UQCC1: variants seen among roughly 807,000 people sequenced by gnomAD.
The protein encoded by UQCC1 is bFGF-repressed Zic-binding protein.
A neutral mutation model predicts 48.0 loss-of-function variants in UQCC1; 38 were observed. That is an observed-to-expected ratio of 0.79 (90% CI 0.61 to 1.04). The LOEUF (loss-of-function observed/expected upper bound fraction) is 1.04. Among genes scored for constraint, UQCC1 ranks in the 50% least tolerant of loss-of-function variants. UQCC1 has a pLI of 0.00. For synonymous variants in UQCC1, 111 were observed against 129.2 expected (o/e 0.86, Z 0.95); for missense variants, 368 against 381.8 (o/e 0.96, Z 0.30).
intron 2 of UQCC1, among the ~76,000 whole-genome samples, chr20:35,393,014 A>T (rs2062031105): frequency 1.3e-5 from 2 of 152,064 alleles, no homozygotes. Context: ...CATAACCCTG[A>T]GAGCTAAACA....
intron 2 of UQCC1, among the ~76,000 whole-genome samples, chr20:35,386,111 A>G (rs2061939613): frequency 6.6e-6 from 1 of 152,148 alleles, no homozygotes; most frequent in Non-Finnish European, 1.5e-5. Context: ...TAGGTAAAAC[A>G]TGACTGCGTA....
intron 7 of UQCC1, chr20:35,344,226 G>GTT (rs1380365032): frequency 6.6e-6 from 1 of 152,204 alleles, no homozygotes; most frequent in Non-Finnish European, 1.5e-5. Context: ...AAAACTTACA[G>GTT]TTAAGTAGAA....
intron 7 of UQCC1, among the ~76,000 whole-genome samples, chr20:35,331,804 G>C (rs183298041): frequency 6.6e-6 from 1 of 152,298 alleles, no homozygotes; most frequent in East Asian, 1.9e-4. Context: ...TGGTGTCACA[G>C]ATGCACCTAT....
intron 2 of UQCC1, among the ~76,000 whole-genome samples, chr20:35,393,300 G>A (rs186677740): frequency 3.0e-4 from 46 of 152,050 alleles, no homozygotes; most frequent in African/African-American, 1.0e-3. Context: ...AAAAGGAAAT[G>A]ATTTTCATAT....
Position 35,365,198 on chromosome 20 carries a change from C to T in UQCC1, c.464+1359G>A, listed in dbSNP as rs544234197. On this transcript the variant is annotated intron_variant, in intron 6 of 9. Transcript: ENST00000374385. ...AGCTTCCTTTGTGATCCTATAAGTA[C>T]TTCTTACTCATATTTATTATATAAC... 3.3e-5 allele frequency among the ~76,000 whole-genome samples: 5 copies of T among 152,198 alleles called. No homozygotes were observed. The East Asian group carries it at 9.6e-4, about 29-fold the overall frequency.
chr20:35,386,920 G>A (rs1483624345), intron 2 of UQCC1, among the ~76,000 whole-genome samples: 1 of 151,836 alleles, frequency 6.6e-6, no homozygotes, highest in Non-Finnish European at 1.5e-5. Context: ...TCTTGTCCTT[G>A]CACTTCCCGC....
chr20:35,385,111 C>T (rs1345094708), intron 2 of UQCC1, among the ~76,000 whole-genome samples: 1 of 151,882 alleles, frequency 6.6e-6, no homozygotes, highest in African/African-American at 2.4e-5. Context: ...AATAAAGACA[C>T]CAGCCACTTT....
chr20:35,327,974 C>A (rs1475374628), intron 7 of UQCC1, among the ~76,000 whole-genome samples: 1 of 144,822 alleles, frequency 6.9e-6, no homozygotes. Flanking sequence ...GCAATCCAGC[C>A]GGGGCAACAG....
intron 7 of UQCC1, among the ~76,000 whole-genome samples, chr20:35,316,219 T>C (rs377567188): frequency 5.6e-4 from 86 of 152,304 alleles, no homozygotes; most frequent in African/African-American, 1.8e-3. Flanking sequence ...ACAAGATTTG[T>C]GCTTAACAAC....
Position 35,338,876 on chromosome 20 carries a change from A to T in UQCC1, c.573+8288T>A, listed in dbSNP as rs1474060642. Among the ~76,000 whole-genome samples the T allele has an allele frequency of 2.0e-3, 116 of 58,438 alleles. 1 individual carries two copies. Among genetic ancestry groups the T allele is most frequent in the African/African-American group, 9.0e-3 (42 of 4,692 alleles). 38.3% of individuals were successfully genotyped at this position (58,438 alleles called of 152,430 possible). A position where few individuals can be genotyped will look rare whatever the true frequency, so the allele number is the denominator to read the frequency against. On this transcript the variant is annotated intron_variant, in intron 7 of 9. Coordinates refer to ENST00000374385, the MANE Select transcript of UQCC1 (RefSeq NM_018244.5). The stretch of plus-strand genomic sequence containing the variant: ...CAAAAGAAAAAAAAAAAAAAAAAAA[A>T]AAAAAAAAAAAAAAAAATATATATA...
At chr20:35,354,884 G>A (rs1347704513) in intron 6 of UQCC1, among the ~76,000 whole-genome samples, 1 of 152,144 alleles carries the variant, frequency 6.6e-6, no homozygotes, top group Non-Finnish European at 1.5e-5. Flanking sequence ...ATAAACAAGA[G>A]TTATATTCCT....
chr20:35,389,546 G>A (rs4353719), intron 2 of UQCC1, among the ~76,000 whole-genome samples: 79,304 of 151,524 alleles, frequency 0.52, 22,417 homozygotes, highest in East Asian at 0.72. Context: ...CTGAGTGAGA[G>A]AGTGAGACTC....
At chr20:35,352,824 G>A (rs768743725) in intron 6 of UQCC1, among the ~76,000 whole-genome samples, 8 of 152,150 alleles carry the variant, frequency 5.3e-5, no homozygotes, top group African/African-American at 1.4e-4. Flanking sequence ...CTAGGACTAC[G>A]GGTGCACGCC....
At chr20:35,371,867 T>A (rs1266786170) in intron 5 of UQCC1, among the ~76,000 whole-genome samples, 2 of 150,934 alleles carry the variant, frequency 1.3e-5, no homozygotes, top group Non-Finnish European at 3.0e-5. Flanking sequence ...AATAAAAAAA[T>A]GACCCAGGCA....
At chr20:35,311,589 C>T (rs1374309712) in intron 8 of UQCC1, among the ~76,000 whole-genome samples, 1 of 152,226 alleles carries the variant, frequency 6.6e-6, no homozygotes, top group Non-Finnish European at 1.5e-5. Context: ...TCACGTGCAG[C>T]TGTTAGCAAT....
chr20:35,303,871 C>A lies in UQCC1; in HGVS notation c.*64G>T, dbSNP rs943670145. ...CACTTTCTGCAGGGTCCTGGACCAA[C>A]AGGCACTTCTCTCCTGGAGGTTCCT... is the stretch of plus-strand genomic sequence containing the variant. On this transcript the variant is annotated 3_prime_UTR_variant, in exon 10 of 10. Transcript: ENST00000374385. The A allele has an allele frequency of 6.2e-7, 1 of 1,612,020 alleles. No homozygotes were observed. The highest frequency in any genetic ancestry group is 8.5e-7 in the Non-Finnish European group (1 of 1,178,668).
chr20:35,395,738 G>A (rs1221101368), intron 1 of UQCC1, among the ~76,000 whole-genome samples: 1 of 152,032 alleles, frequency 6.6e-6, no homozygotes, highest in Non-Finnish European at 1.5e-5. Context: ...TAAAAATCCT[G>A]CCAGAATGGG....
chr20:35,409,724 C>T (rs2062315720), intron 1 of UQCC1, among the ~76,000 whole-genome samples: 1 of 152,084 alleles, frequency 6.6e-6, no homozygotes, highest in South Asian at 2.1e-4. Flanking sequence ...CTTCCCAAAA[C>T]CATCACTGGA....
At chr20:35,411,850 T>C (rs1601055978) in intron 1 of UQCC1, 90 bp downstream of exon 1, 1 of 1,569,770 alleles carries the variant, frequency 6.4e-7, no homozygotes, top group Non-Finnish European at 8.8e-7. Context: ...GCTTCCCTCC[T>C]GCGATTCCTT....
Sources: allele counts gnomAD v4.1 joint callset (sites outside exome capture counted in the v4.1 genomes callset), GRCh38; gene constraint gnomAD v4.1.1; transcripts MANE v1.5; gene names NCBI Gene and HGNC (gene_info 2026-07-23, HGNC 2026-07-21).